NOD2: variants seen among roughly 807,000 people sequenced by gnomAD.
NOD2 encodes the protein nucleotide binding oligomerization domain containing 2, also known as nucleotide-binding oligomerization domain-containing protein 2.
NOD2 carries 86 observed loss-of-function variants against 90.9 expected under a neutral mutation model. The observed-to-expected ratio is 0.95, with a 90% CI of 0.79 to 1.13. The LOEUF (loss-of-function observed/expected upper bound fraction) is 1.13. Ranked by LOEUF, NOD2 falls within the 50% of genes most tolerant of loss-of-function variation. NOD2 has a pLI of 0.00. For missense variants in NOD2, 1,238 were observed against 1,283.8 expected (o/e 0.96, Z 0.55); for synonymous variants, 581 against 554.6 (o/e 1.05, Z -0.67).
rs535260605 is a variant in NOD2 at position 50,695,253 on chromosome 16, G to C, written c.-9+1591G>C. Among the ~76,000 whole-genome samples, 3 of 152,172 alleles carry C rather than the reference G, an allele frequency of 2.0e-5. No individual in the cohort carries two copies. In the South Asian group the frequency reaches 6.2e-4, roughly 32 times the overall value. ...CATGGTGTCTTGCCCATGGCCCAGA[G>C]GTGGTTAAAAAAAAGAAAACCAGAC... On this transcript the variant is annotated intron_variant, in intron 1 of 11. Transcript: ENST00000647318.
chr16:50,715,041 T>A (rs1269929496), intron 4 of NOD2, among the ~76,000 whole-genome samples: 1 of 152,204 alleles, frequency 6.6e-6, no homozygotes, highest in Non-Finnish European at 1.5e-5. Context: ...ATGATTTGCA[T>A]GACCTGCAAC....
intron 1 of NOD2, among the ~76,000 whole-genome samples, chr16:50,696,942 G>A (rs972801722): frequency 2.0e-5 from 3 of 152,240 alleles, no homozygotes; most frequent in Non-Finnish European, 2.9e-5. Flanking sequence ...CAAGGGAGGG[G>A]CCCCTACTTA....
Position 50,712,293 on chromosome 16 carries a change from C to A in NOD2, c.2301C>A (p.Ala767=). The A allele has an allele frequency of 6.2e-7, 1 of 1,614,072 alleles. No homozygotes were observed. Among genetic ancestry groups the A allele is most frequent in the Non-Finnish European group, 8.5e-7 (1 of 1,180,048 alleles). The change falls in exon 4 of 12, where the codon GCC becomes GCA. Residue 767 remains alanine, a synonymous_variant. Transcript: ENST00000647318. ...FVLQHLRRPV[A]LQLDYNSVGD... is the part of the protein sequence containing the mutation. ...TGCAGCACCTCCGGCGGCCCGTGGC[C>A]CTGCAGCTGGACTACAACTCTGTGG...
chr16:50,727,861 C>T, intron 10 of NOD2: 2 of 359,774 alleles, frequency 5.6e-6, no homozygotes, highest in South Asian at 2.3e-5. Flanking sequence ...TGTAGGGGAT[C>T]AGACTAGCAG....
At chr16:50,697,087 C>A in intron 1 of NOD2, 1 of 719,958 alleles carries the variant, frequency 1.4e-6, no homozygotes, top group Non-Finnish European at 2.5e-6. Flanking sequence ...GCTGGTTGGC[C>A]AACTCTGGCC....
chr16:50,722,938 T>C (rs1174477819), intron 8 of NOD2, among the ~76,000 whole-genome samples: 1 of 152,086 alleles, frequency 6.6e-6, no homozygotes, highest in Non-Finnish European at 1.5e-5. Flanking sequence ...ATTGAAGATA[T>C]TGGGCTGGAT....
At chr16:50,724,500 C>T (rs1459231183) in intron 9 of NOD2, among the ~76,000 whole-genome samples, 5 of 152,184 alleles carry the variant, frequency 3.3e-5, no homozygotes, top group African/African-American at 1.2e-4. Flanking sequence ...TATCTATAGA[C>T]AGGAAAAGGA....
intron 6 of NOD2, among the ~76,000 whole-genome samples, chr16:50,718,130 C>A (rs1964881628): frequency 6.6e-6 from 1 of 152,214 alleles, no homozygotes; most frequent in Admixed American, 6.5e-5. Flanking sequence ...GTACTGTACT[C>A]ACCCTTCTTC....
rs765820451 is a variant in NOD2, at chr16:50,723,343, G to A, written c.2760G>A (p.Leu920=). 6.2e-7 allele frequency: 1 copy of A among 1,613,914 alleles called. No individual in the cohort carries two copies. Among genetic ancestry groups the A allele is most frequent in the African/African-American group, 1.3e-5 (1 of 74,988 alleles). ...NNIGSVGAQA[L]ALMLAKNVML... The stretch of plus-strand genomic sequence containing the variant: ...TTGGCAGTGTGGGTGCCCAAGCCTT[G>A]GCACTGATGCTGGCAAAGAACGTCA... The change falls in exon 9 of 12, where the codon TTG becomes TTA. Residue 920 remains leucine, a synonymous_variant. Coordinates refer to ENST00000647318, the MANE Select transcript of NOD2 (RefSeq NM_001370466.1).
intron 11 of NOD2, among the ~76,000 whole-genome samples, chr16:50,730,299 T>C (rs1461505729): frequency 6.6e-6 from 1 of 152,192 alleles, no homozygotes; most frequent in Non-Finnish European, 1.5e-5. Context: ...TAGGAGCAGG[T>C]TGCACAGTGT....
Position 50,699,767 on chromosome 16 carries a change from A to G in NOD2, c.272A>G (p.Lys91Arg), listed in dbSNP as rs1032593984. The G allele has an allele frequency of 5.6e-6, 9 of 1,613,804 alleles. No homozygotes were observed. Among genetic ancestry groups the G allele is most frequent in the Admixed American group, 1.7e-5 (1 of 60,002 alleles). Residue 91 changes from lysine (K) to arginine (R), a missense_variant, in exon 2 of 12, where the codon AAG (lysine) becomes AGG (arginine). Lys to Arg is a conservative substitution (Grantham distance 26). This residue lies in a region of NOD2 where 567 missense variants were observed against 577.3 expected (regional missense o/e 0.98). Coordinates refer to ENST00000647318, the MANE Select transcript of NOD2 (RefSeq NM_001370466.1). ...GCCCAGGCCGACAGCCAGTCCCCCA[A>G]GCTGCATGGCTGCTGGGACCCCCAC... Reference protein sequence around the residue: ...QEAQADSQSPKLHGCWDPHSL... With the variant: ...QEAQADSQSPRLHGCWDPHSL...
Position 50,699,882 on chromosome 16 carries a change from A to G in NOD2, c.387A>G (p.Ala129=). ...ATGTGGAGAACATGCTGGACCTGGC[A>G]TGGGAGCGGGGTTTCGTCAGCCAGT... ...HSHVENMLDL[A]WERGFVSQYE... is the part of the protein sequence containing the mutation. Residue 129 remains alanine (A), a synonymous_variant, in exon 2 of 12, where the codon GCA becomes GCG. Transcript: ENST00000647318. 6.2e-7 allele frequency: 1 copy of G among 1,613,186 alleles called. No homozygotes were observed. Among genetic ancestry groups the G allele is most frequent in the Non-Finnish European group, 8.5e-7 (1 of 1,180,016 alleles).
rs779522908 is a variant in NOD2 at position 50,725,533 on chromosome 16, C to T, written c.2846C>T (p.Ala949Val). ...HLQDEGVCSL[A>V]EGLKKNSSLK... ...CAGGATGAAGGTGTATGTTCTCTCGCAGAAGGACTGAAGAAAAATTCAAGT... is the reference window on the plus strand; with the variant it reads ...CAGGATGAAGGTGTATGTTCTCTCGTAGAAGGACTGAAGAAAAATTCAAGT... Residue 949 changes from alanine (A) to valine (V), a missense_variant, in exon 10 of 12, where the codon GCA becomes GTA. Ala to Val is a moderately conservative substitution (Grantham distance 64, BLOSUM62 0). Coordinates refer to ENST00000647318, the MANE Select transcript of NOD2 (RefSeq NM_001370466.1). The T allele has an allele frequency of 2.1e-5, 34 of 1,613,976 alleles. No individual in the cohort carries two copies. The highest frequency in any genetic ancestry group is 2.7e-5 in the Non-Finnish European group (32 of 1,179,966).
At chr16:50,700,432 A>C (rs1202559659) in intron 2 of NOD2, among the ~76,000 whole-genome samples, 1 of 152,108 alleles carries the variant, frequency 6.6e-6, no homozygotes, top group Non-Finnish European at 1.5e-5. Flanking sequence ...CCAACAGAAC[A>C]CTTCTGCCGA....
At chr16:50,697,062 G>A (rs2150775998) in intron 1 of NOD2, 1 of 651,470 alleles carries the variant, frequency 1.5e-6, no homozygotes, top group Non-Finnish European at 2.8e-6. Flanking sequence ...GCTTGGAATT[G>A]CCTAGTTCTG....
intron 6 of NOD2, 82 bp downstream of exon 6, chr16:50,717,056 C>T (rs1489843498): frequency 8.5e-7 from 1 of 1,173,114 alleles, no homozygotes; most frequent in Non-Finnish European, 1.3e-6. Flanking sequence ...TGGCCTGGCA[C>T]TGCCCACACT....
At chr16:50,727,516 C>A (rs1350102058) in intron 10 of NOD2, 2 of 238,594 alleles carry the variant, frequency 8.4e-6, no homozygotes, top group Admixed American at 4.8e-5. Flanking sequence ...CATAAAAATT[C>A]ATGCTTCGGG....
In NOD2 at chr16:50,720,006, G is replaced by A. The variant is rs142559533; in HGVS notation, c.2631G>A (p.Leu877=). 402 of 1,613,934 alleles carry A rather than the reference G, an allele frequency of 2.5e-4. No homozygotes were observed. In the East Asian group the frequency reaches 8.9e-3, roughly 36 times the overall value. The part of the protein sequence containing the change: ...GLRGNTSLQF[L]GFWGNRVGDE... The stretch of plus-strand genomic sequence containing the variant: ...GAGGCAACACCTCCTTGCAGTTCCT[G>A]GGGTAGGTTGGATTCCAGGAAGAGG... The change falls in exon 7 of 12, where the codon CTG becomes CTA. Residue 877 remains leucine (L), a splice_region_variant and synonymous_variant. Coordinates refer to ENST00000647318, the MANE Select transcript of NOD2 (RefSeq NM_001370466.1).
intron 1 of NOD2, chr16:50,697,256 G>A: frequency 6.4e-7 from 1 of 1,558,150 alleles, no homozygotes; most frequent in Non-Finnish European, 8.7e-7. Flanking sequence ...GGGGGAAGAG[G>A]GTGGTTCAGC....
Sources: gnomAD v4.1 joint callset for allele counts (sites outside exome capture counted in the v4.1 genomes callset) on GRCh38, gnomAD v4.1.1 for gene constraint, gnomAD v4.1.1 regional missense constraint, MANE v1.5 for transcripts, NCBI Gene and HGNC (gene_info 2026-07-23, HGNC 2026-07-21) for gene names.